The following TRAP1 variants were observed in gnomAD, a reference collection of about 807,000 sequenced individuals.
TRAP1 encodes heat shock protein 75 kDa, mitochondrial.
TRAP1 carries 102 observed loss-of-function variants against 89.1 expected under a neutral mutation model. That is an observed-to-expected ratio of 1.15 (90% CI 0.98 to 1.35). TRAP1 has a LOEUF of 1.35. Among genes scored for constraint, TRAP1 ranks in the 40% most tolerant of loss-of-function variants. The pLI, the probability that TRAP1 is intolerant of heterozygous loss-of-function variation, is 0.00. For missense variants in TRAP1, 1,256 were observed against 945.3 expected, an observed-to-expected ratio of 1.33 and a Z score of -4.31; for synonymous variants, 508 against 388.0, an observed-to-expected ratio of 1.31 and a Z score of -3.64.
At chr16:3,662,270 T>C in intron 15 of TRAP1, 138 bp from the exon 16 acceptor site, 1 of 1,012,980 alleles carries the variant, frequency 9.9e-7, no homozygotes, top group Non-Finnish European at 1.4e-6. Flanking sequence ...CCAGCGCTGC[T>C]CCCTCCCCAT....
At chr16:3,660,835 G>C (rs2043031709) in intron 16 of TRAP1, 1 of 152,322 alleles carries the variant, frequency 6.6e-6, no homozygotes, top group African/African-American at 2.4e-5. Flanking sequence ...AAGGCAGGTG[G>C]ATTGTTTGAG....
intron 14 of TRAP1, 30 bp downstream of exon 14, chr16:3,663,394 C>A (rs762690151): frequency 3.5e-5 from 56 of 1,613,000 alleles, no homozygotes; most frequent in Non-Finnish European, 4.7e-5. Flanking sequence ...TGGAAACCAG[C>A]CCCACGCCTA....
chr16:3,692,437 G>C (rs1446041722), intron 1 of TRAP1, among the ~76,000 whole-genome samples: 1 of 151,434 alleles, frequency 6.6e-6, no homozygotes, highest in Non-Finnish European at 1.5e-5. Flanking sequence ...TCGGGAGACT[G>C]AGGCAGGGGA....
chr16:3,663,674 A>T, intron 13 of TRAP1, 112 bp from the exon 14 acceptor site: 1 of 1,398,024 alleles, frequency 7.2e-7, no homozygotes, highest in South Asian at 1.3e-5. Context: ...ACACTGGGGA[A>T]CACCGGGGCA....
At chr16:3,663,715 C>G in intron 13 of TRAP1, 153 bp from the exon 14 acceptor site, 3 of 862,492 alleles carry the variant, frequency 3.5e-6, no homozygotes, top group Non-Finnish European at 5.2e-6. Context: ...ATGACAGTTA[C>G]TACGACACCT....
At chr16:3,661,865 T>C (rs2043095520) in intron 16 of TRAP1, 122 bp downstream of exon 16, 1 of 1,297,722 alleles carries the variant, frequency 7.7e-7, no homozygotes, top group East Asian at 2.7e-5. Flanking sequence ...CTCCTTATAG[T>C]TACCCACATG....
rs977088474 is a variant in TRAP1 at position 3,663,543 on chromosome 16, T to C, written c.1589A>G (p.Gln530Arg). ...GTGCAGCAGGGTGAGCTCATCAAAC[T>C]GCTCAAAGCAGAAGAGAACCTGCAG... ...KDTEVLFCFE[Q>R]FDELTLLHLR... The change falls in exon 14 of 18, where the codon CAG becomes CGG. Residue 530 changes from glutamine (Q) to arginine (R), a missense_variant. Coordinates refer to ENST00000246957, the MANE Select transcript of TRAP1 (RefSeq NM_016292.3). 2.5e-6 allele frequency: 4 copies of C among 1,614,016 alleles called. No homozygotes were observed. The East Asian group carries it at 8.9e-5, about 36-fold the overall frequency.
chr16:3,679,918 A>G, intron 4 of TRAP1, 128 bp from the exon 5 acceptor site: 5 of 797,214 alleles, frequency 6.3e-6, no homozygotes, highest in Non-Finnish European at 1.1e-5. Flanking sequence ...AGGTAGCACC[A>G]GATGCTCATC....
Position 3,662,007 on chromosome 16 carries a change from G to A in TRAP1, c.1920C>T (p.Pro640=). ...TQEERAQLLQ[P]TLEINPRHAL... ...CTCACCTGGGGTTGATCTCCAGCGTGGGCTGCAGGAGCTGTGCGCGCTCCT... is the reference window on the plus strand; with the variant it reads ...CTCACCTGGGGTTGATCTCCAGCGTAGGCTGCAGGAGCTGTGCGCGCTCCT... The change falls in exon 16 of 18, where the codon CCC becomes CCT. Residue 640 remains proline (P), a synonymous_variant. Coordinates refer to ENST00000246957, the MANE Select transcript of TRAP1 (RefSeq NM_016292.3). 1 of 1,609,828 alleles carries A rather than the reference G, an allele frequency of 6.2e-7. No individual in the cohort carries two copies. Among genetic ancestry groups the A allele is most frequent in the Non-Finnish European group, 8.5e-7 (1 of 1,177,976 alleles).
intron 1 of TRAP1, among the ~76,000 whole-genome samples, chr16:3,702,499 C>G (rs2051379591): frequency 6.6e-6 from 1 of 151,312 alleles, no homozygotes; most frequent in East Asian, 1.9e-4. Flanking sequence ...TCCCAGCACT[C>G]TAGGAGGCTG....
chr16:3,659,457 G>A (rs1274066225), intron 16 of TRAP1: 1 of 152,128 alleles, frequency 6.6e-6, no homozygotes, highest in Admixed American at 6.6e-5. Flanking sequence ...ATCTCAGAAG[G>A]GGAAAGCCTT....
intron 3 of TRAP1, among the ~76,000 whole-genome samples, chr16:3,687,990 C>T (rs1025452282): frequency 2.6e-5 from 4 of 152,020 alleles, no homozygotes; most frequent in Admixed American, 2.0e-4. Context: ...GTCAGGAATG[C>T]AGCACTCATC....
intron 13 of TRAP1, chr16:3,663,775 TAAAG>T: frequency 1.7e-6 from 1 of 592,858 alleles, no homozygotes; most frequent in Non-Finnish European, 2.9e-6. Flanking sequence ...ACTCCACGCA[TAAAG>T]AAATCCACAT....
rs772642851 is a variant in TRAP1 at position 3,671,803 on chromosome 16, G to C, written c.1166-12C>G. The C allele has an allele frequency of 6.2e-7, 1 of 1,611,162 alleles. No homozygotes were observed. ...ACTGTCCACCACACCTGGGAGACACGGCAGTCAGCTTCTCCCGGGGCTGCG... is the reference window on the plus strand; with the variant it reads ...ACTGTCCACCACACCTGGGAGACACCGCAGTCAGCTTCTCCCGGGGCTGCG... On this transcript the variant is annotated splice_polypyrimidine_tract_variant and intron_variant, in intron 10 of 17. Coordinates refer to ENST00000246957, the MANE Select transcript of TRAP1 (RefSeq NM_016292.3).
At chr16:3,691,933 AAT>A (rs1322879705) in intron 1 of TRAP1, among the ~76,000 whole-genome samples, 1 of 152,146 alleles carries the variant, frequency 6.6e-6, no homozygotes, top group Non-Finnish European at 1.5e-5. Context: ...GAAAGCAGCC[AAT>A]GTGTCCCCAG....
chr16:3,686,130 T>A lies in TRAP1; in HGVS notation c.337A>T (p.Ile113Leu), dbSNP rs183661921. 5.0e-6 allele frequency: 8 copies of A among 1,613,904 alleles called. No individual in the cohort carries two copies. The Admixed American group carries it at 1.2e-4, about 24-fold the overall frequency. The change falls in exon 4 of 18, where the codon ATA (isoleucine) becomes TTA (leucine). Residue 113 changes from isoleucine (I) to leucine (L), a missense_variant. Transcript: ENST00000246957. ...RSLYSEKEVF[I>L]RELISNASDA... ...CTGGCATTGGAGATCAGCTCCCGTATAAACACCTACAGGAATAGAAATGGG... is the reference window on the plus strand; with the variant it reads ...CTGGCATTGGAGATCAGCTCCCGTAAAAACACCTACAGGAATAGAAATGGG...
At position 3,658,674 on chromosome 16, in the gene TRAP1, AAAACAAAC is replaced by A. The variant is rs35893407; in HGVS notation, c.2013+111_2013+118del. The A allele has an allele frequency of 4.5e-4, 438 of 983,402 alleles. No individual in the cohort carries two copies. In the African/African-American group the frequency reaches 6.0e-3, roughly 14 times the overall value. The allele number at this position is 983,402 out of a possible 1,614,324, so 60.9% of individuals were successfully genotyped here. The stretch of plus-strand genomic sequence containing the variant: ...GCAACAGAGCAACACTCCATCTCAA[AAAACAAAC>A]AAACAAACAAAAAGACAGGATTTTA... On this transcript the variant is annotated intron_variant, in intron 17 of 17. Coordinates refer to ENST00000246957, the MANE Select transcript of TRAP1 (RefSeq NM_016292.3).
intron 1 of TRAP1, among the ~76,000 whole-genome samples, chr16:3,705,152 C>T (rs749239222): frequency 3.9e-5 from 6 of 152,126 alleles, no homozygotes; most frequent in East Asian, 1.9e-4. Flanking sequence ...GTAAGCTCTG[C>T]GTCCTGGGTT....
At chr16:3,691,560 C>T (rs748170371) in intron 1 of TRAP1, among the ~76,000 whole-genome samples, 1 of 152,088 alleles carries the variant, frequency 6.6e-6, no homozygotes, top group East Asian at 1.9e-4. Flanking sequence ...ATTCGCCTCA[C>T]GGGTGACACC....
Sources: allele counts gnomAD v4.1 joint callset (sites outside exome capture counted in the v4.1 genomes callset), GRCh38; gene constraint gnomAD v4.1.1; transcripts MANE v1.5; gene names NCBI Gene and HGNC (gene_info 2026-07-23, HGNC 2026-07-21).